Variants in LIN7A observed in about 807,000 individuals in gnomAD.
The protein encoded by LIN7A is protein lin-7 homolog A.
In LIN7A, 25 loss-of-function variants were observed where a neutral mutation model predicts 29.8. The observed-to-expected ratio is 0.84, with a 90% CI of 0.61 to 1.17. LIN7A has a LOEUF of 1.17. LIN7A is among the 50% of genes most tolerant of loss of function. The pLI, the probability that LIN7A is intolerant of heterozygous loss-of-function variation, is 0.00. For missense variants in LIN7A, 239 were observed against 287.0 expected, an observed-to-expected ratio of 0.83 and a Z score of 1.21; for synonymous variants, 118 against 107.5, an observed-to-expected ratio of 1.10 and a Z score of -0.60.
intron 1 of LIN7A, among the ~76,000 whole-genome samples, chr12:80,931,243 G>A (rs1023905967): frequency 2.6e-5 from 4 of 152,092 alleles, no homozygotes; most frequent in South Asian, 2.1e-4. Context: ...TTCAGGGCTC[G>A]GATGAATGAC....
chr12:80,922,565 G>A (rs542746446), intron 1 of LIN7A, among the ~76,000 whole-genome samples: 1 of 152,176 alleles, frequency 6.6e-6, no homozygotes, highest in South Asian at 2.1e-4. Flanking sequence ...AGCACAGCCT[G>A]GGAAGAAGGA....
intron 4 of LIN7A, chr12:80,845,487 T>C: frequency 5.0e-6 from 2 of 400,040 alleles, no homozygotes; most frequent in Non-Finnish European, 8.8e-6. Flanking sequence ...GTCAGCTAGT[T>C]GGATTAATTT....
rs1326915394 is a variant in LIN7A at position 80,797,085 on chromosome 12, G to A, written c.*642C>T. 1 of 152,092 alleles carries A rather than the reference G, an allele frequency of 6.6e-6. No individual in the cohort carries two copies. Among genetic ancestry groups the A allele is most frequent in the East Asian group, 1.9e-4 (1 of 5,190 alleles). The allele number at this position is 152,092 out of a possible 1,614,324, so 9.4% of individuals were successfully genotyped here. A position where few individuals can be genotyped will look rare whatever the true frequency, so the allele number is the denominator to read the frequency against. On this transcript the variant is annotated 3_prime_UTR_variant, in exon 6 of 6. Coordinates refer to ENST00000552864, the MANE Select transcript of LIN7A (RefSeq NM_004664.4). ...ACTTGCTTCTAACAAACTAAAAGTT[G>A]AGCTAAAATTGGTCCATTCTATTAA...
intron 4 of LIN7A, among the ~76,000 whole-genome samples, chr12:80,834,580 C>T (rs1314909602): frequency 6.6e-6 from 1 of 152,138 alleles, no homozygotes; most frequent in East Asian, 1.9e-4. Context: ...ATTGAAACAG[C>T]CCATACCTCC....
At chr12:80,932,892 C>A (rs1210982838) in intron 1 of LIN7A, among the ~76,000 whole-genome samples, 1 of 152,152 alleles carries the variant, frequency 6.6e-6, no homozygotes, top group African/African-American at 2.4e-5. Flanking sequence ...GAAGGTCATT[C>A]CTGGTTTTAA....
chr12:80,911,975 A>G (rs1366491538), intron 1 of LIN7A, among the ~76,000 whole-genome samples: 1 of 150,646 alleles, frequency 6.6e-6, no homozygotes, highest in Non-Finnish European at 1.5e-5. Flanking sequence ...CAAGTACTTC[A>G]TCACATTTTA....
intron 1 of LIN7A, among the ~76,000 whole-genome samples, chr12:80,910,205 C>T (rs964340574): frequency 6.6e-6 from 1 of 152,036 alleles, no homozygotes; most frequent in Non-Finnish European, 1.5e-5. Flanking sequence ...TACAGAAATA[C>T]AACTGATATT....
chr12:80,817,334 G>C (rs1369780752), intron 4 of LIN7A, among the ~76,000 whole-genome samples: 1 of 152,096 alleles, frequency 6.6e-6, no homozygotes, highest in Non-Finnish European at 1.5e-5. Context: ...TGGAAGCAAT[G>C]CCTGCCCTGG....
intron 2 of LIN7A, among the ~76,000 whole-genome samples, chr12:80,865,581 G>A (rs909773004): frequency 1.3e-5 from 2 of 152,274 alleles, no homozygotes; most frequent in South Asian, 4.2e-4. Flanking sequence ...TCACAAACAT[G>A]GTCAGGAGTT....
intron 2 of LIN7A, among the ~76,000 whole-genome samples, chr12:80,855,057 G>C (rs1873529163): frequency 6.6e-6 from 1 of 151,874 alleles, no homozygotes; most frequent in South Asian, 2.1e-4. Context: ...GTTATAGATG[G>C]GTTGGCTACT....
chr12:80,875,780 T>G (rs969699046), intron 2 of LIN7A, among the ~76,000 whole-genome samples: 8 of 152,196 alleles, frequency 5.3e-5, no homozygotes, highest in Non-Finnish European at 5.9e-5. Flanking sequence ...TTTTCTGTTA[T>G]GATTATAATA....
At chr12:80,870,894 T>C (rs1428601106) in intron 2 of LIN7A, among the ~76,000 whole-genome samples, 3 of 152,248 alleles carry the variant, frequency 2.0e-5, no homozygotes, top group Non-Finnish European at 2.9e-5. Flanking sequence ...TACCTTTGTA[T>C]GTGAAAACTT....
chr12:80,931,052 G>C (rs1877871810), intron 1 of LIN7A, among the ~76,000 whole-genome samples: 1 of 152,176 alleles, frequency 6.6e-6, no homozygotes, highest in South Asian at 2.1e-4. Flanking sequence ...AACTCAAAGA[G>C]ATACTGGCAT....
intron 1 of LIN7A, among the ~76,000 whole-genome samples, chr12:80,896,786 C>A (rs868409889): frequency 6.6e-6 from 1 of 152,194 alleles, no homozygotes; most frequent in Non-Finnish European, 1.5e-5. Context: ...ATACTAGAGT[C>A]ATGAATTTAT....
intron 4 of LIN7A, among the ~76,000 whole-genome samples, chr12:80,815,650 A>G (rs1451076011): frequency 6.6e-6 from 1 of 152,224 alleles, no homozygotes; most frequent in East Asian, 1.9e-4. Context: ...AGCTTCCTAC[A>G]TAGGCTGAGA....
chr12:80,886,990 T>C (rs1446834024), intron 2 of LIN7A, among the ~76,000 whole-genome samples: 4 of 152,058 alleles, frequency 2.6e-5, no homozygotes, highest in Admixed American at 1.3e-4. Context: ...ACATCTCTGC[T>C]TGGATATCTC....
chr12:80,912,170 C>G (rs535093716), intron 1 of LIN7A, among the ~76,000 whole-genome samples: 3 of 152,232 alleles, frequency 2.0e-5, no homozygotes, highest in South Asian at 4.1e-4. Flanking sequence ...GCCTTACTAT[C>G]TTTATCTGAC....
rs1290740937 is a variant in LIN7A, at chr12:80,794,464, A to G, written c.*3263T>C. The G allele has an allele frequency of 2.6e-5, 4 of 152,218 alleles. No individual in the cohort carries two copies. The highest frequency in any genetic ancestry group is 9.6e-5 in the African/African-American group (4 of 41,462). 9.4% of individuals were successfully genotyped at this position (152,218 alleles called of 1,614,324 possible). A position where few individuals can be genotyped will look rare whatever the true frequency, so the allele number is the denominator to read the frequency against. On this transcript the variant is annotated 3_prime_UTR_variant, in exon 6 of 6. Transcript: ENST00000552864. ...GATGAGAAATTTAGGCATTATTCACACATCCACACATATCTATAGATGTTT... is the reference window on the plus strand; with the variant it reads ...GATGAGAAATTTAGGCATTATTCACGCATCCACACATATCTATAGATGTTT...
At chr12:80,899,770 C>CTTTTTTTTTTTTT (rs71309554) in intron 1 of LIN7A, among the ~76,000 whole-genome samples, 1 of 125,526 alleles carries the variant, frequency 8.0e-6, no homozygotes, top group African/African-American at 2.8e-5. Flanking sequence ...TTTTTCTTTT[C>CTTTTTTTTTTTTT]TTTTTTTTTT....
Sources: allele counts gnomAD v4.1 joint callset (sites outside exome capture counted in the v4.1 genomes callset), GRCh38; gene constraint gnomAD v4.1.1; transcripts MANE v1.5; gene names NCBI Gene and HGNC (gene_info 2026-07-23, HGNC 2026-07-21).